KANK1: variants seen among roughly 807,000 people sequenced by gnomAD.
KANK1 encodes KN motif and ankyrin repeat domains 1.
In KANK1, 109 loss-of-function variants were observed where a neutral mutation model predicts 106.2. The observed-to-expected ratio is 1.03, with a 90% CI of 0.88 to 1.20. KANK1 has a LOEUF of 1.20. KANK1 is among the 50% of genes most tolerant of loss of function. The probability of loss-of-function intolerance (pLI) is 0.00; values close to 1 mark genes in which losing one functional copy is unlikely to be tolerated. For synonymous variants in KANK1, 873 were observed against 652.2 expected (o/e 1.34, Z -5.16); for missense variants, 2,399 against 1,710.7 (o/e 1.40, Z -7.10).
intron 8 of KANK1, among the ~76,000 whole-genome samples, chr9:740,075 A>G (rs1000738812): frequency 6.6e-6 from 1 of 152,190 alleles, no homozygotes; most frequent in Non-Finnish European, 1.5e-5. Flanking sequence ...GGTCCCACAT[A>G]AAAGCTGCTT....
At chr9:517,386 G>A (rs2059329775) in intron 1 of KANK1, among the ~76,000 whole-genome samples, 3 of 151,816 alleles carry the variant, frequency 2.0e-5, no homozygotes, top group Admixed American at 2.0e-4. Flanking sequence ...ACAGGCGTGA[G>A]CCACTGCGGC....
intron 1 of KANK1, among the ~76,000 whole-genome samples, chr9:621,859 G>T (rs1185028220): frequency 6.6e-6 from 1 of 152,148 alleles, no homozygotes; most frequent in Non-Finnish European, 1.5e-5. Context: ...CTCGCCGGTG[G>T]AAGGGGTACA....
At chr9:614,986 GCTGGAGTGCAGTGATGCAAT>G (rs1831463992) in intron 1 of KANK1, among the ~76,000 whole-genome samples, 1 of 151,764 alleles carries the variant, frequency 6.6e-6, no homozygotes, top group African/African-American at 2.4e-5. Flanking sequence ...AGGGTCTCAG[GCTGGAGTGCAGTGATGCAAT>G]CATGGCTCAC....
Position 746,035 on chromosome 9 carries a change from T to TATGTA in KANK1, c.*801_*805dup, listed in dbSNP as rs1430525139. 2.6e-5 allele frequency: 4 copies of TATGTA among 152,706 alleles called. No individual in the cohort carries two copies. The highest frequency in any genetic ancestry group is 9.6e-5 in the African/African-American group (4 of 41,478). 9.5% of individuals were successfully genotyped at this position (152,706 alleles called of 1,614,324 possible). The stretch of plus-strand genomic sequence containing the variant: ...CCGTGTCACATTTACTTTGGTCCTC[T>TATGTA]ATGTATTTAAATGTTTGAAGTGCCT... On this transcript the variant is annotated 3_prime_UTR_variant, in exon 12 of 12. Transcript: ENST00000382297.
chr9:642,925 TC>T (rs1313822771), intron 1 of KANK1, among the ~76,000 whole-genome samples: 1 of 150,554 alleles, frequency 6.6e-6, no homozygotes, highest in African/African-American at 2.5e-5. Context: ...TGCTTAGCGT[TC>T]TAAATTTTTT....
intron 1 of KANK1, among the ~76,000 whole-genome samples, chr9:543,786 G>T (rs1034445252): frequency 6.6e-6 from 1 of 152,074 alleles, no homozygotes; most frequent in Non-Finnish European, 1.5e-5. Context: ...GTAGTTGATT[G>T]TTGCAAGACT....
At chr9:744,665 G>A in intron 11 of KANK1, 76 bp downstream of exon 11, 1 of 1,612,440 alleles carries the variant, frequency 6.2e-7, no homozygotes, top group South Asian at 1.1e-5. Flanking sequence ...TCCAGGAATT[G>A]ACGGGAGACA....
At position 720,942 on chromosome 9, in the gene KANK1, C is replaced by A. The variant is rs890367779; in HGVS notation, c.2698+7478C>A. Among the ~76,000 whole-genome samples the A allele has an allele frequency of 4.3e-4, 65 of 152,220 alleles. 1 individual carries two copies. Among genetic ancestry groups the A allele is most frequent in the Admixed American group, 3.5e-3 (53 of 15,282 alleles). On this transcript the variant is annotated intron_variant, in intron 3 of 11. Coordinates refer to ENST00000382297, the MANE Select transcript of KANK1 (RefSeq NM_015158.5). ...ATGGATCCAAGTTGATGGGTTGAAA[C>A]TAGAGGGGAGTCTAAATTCTTAATT...
chr9:474,664 C>T (rs1179318069), intron 3 of KANK1, among the ~76,000 whole-genome samples: 1 of 152,190 alleles, frequency 6.6e-6, no homozygotes, highest in Non-Finnish European at 1.5e-5. Context: ...ACTTCATCAT[C>T]CTCTCACTAC....
At chr9:518,782 G>A (rs2059414572) in intron 1 of KANK1, among the ~76,000 whole-genome samples, 1 of 151,608 alleles carries the variant, frequency 6.6e-6, no homozygotes, top group Non-Finnish European at 1.5e-5. Context: ...CAAGAGAGGT[G>A]GAACTCTGGC....
intron 1 of KANK1, among the ~76,000 whole-genome samples, chr9:531,375 G>A (rs1436826485): frequency 6.6e-6 from 1 of 152,102 alleles, no homozygotes; most frequent in Admixed American, 6.5e-5. Flanking sequence ...AGGCTGCAGT[G>A]AGCTGTAATT....
chr9:673,230 A>C lies in KANK1; in HGVS notation c.-83-3660A>C, dbSNP rs568766323. 8.3e-5 allele frequency among the ~76,000 whole-genome samples: 9 copies of C among 108,844 alleles called. No individual in the cohort carries two copies. The East Asian group carries it at 2.6e-3, about 31-fold the overall frequency. The allele number at this position is 108,844 out of a possible 152,430, so 71.4% of individuals were successfully genotyped here. ...TTTTTTTTTTTTTTTTTTTTTTGAGACAGGGTCTCTCACTCTGCTGTGCAG... is the reference window on the plus strand; with the variant it reads ...TTTTTTTTTTTTTTTTTTTTTTGAGCCAGGGTCTCTCACTCTGCTGTGCAG... On this transcript the variant is annotated intron_variant, in intron 1 of 11. Coordinates refer to ENST00000382297, the MANE Select transcript of KANK1 (RefSeq NM_015158.5).
chr9:605,298 C>CT (rs1828814541), intron 1 of KANK1, among the ~76,000 whole-genome samples: 2 of 70,808 alleles, frequency 2.8e-5, no homozygotes, highest in African/African-American at 1.1e-4. Context: ...GAGACTCCGT[C>CT]TCAAAAAAAA....
intron 1 of KANK1, among the ~76,000 whole-genome samples, chr9:588,666 T>G (rs1359630960): frequency 2.0e-5 from 3 of 152,226 alleles, no homozygotes; most frequent in Non-Finnish European, 4.4e-5. Flanking sequence ...AATGCTGTAG[T>G]AGTCATGATC....
At chr9:573,409 A>C (rs1027371515) in intron 1 of KANK1, among the ~76,000 whole-genome samples, 1 of 152,064 alleles carries the variant, frequency 6.6e-6, no homozygotes, top group Non-Finnish European at 1.5e-5. Context: ...AGCTGGGACT[A>C]CAGGTGCCCG....
At chr9:594,954 T>C (rs1463716848) in intron 1 of KANK1, among the ~76,000 whole-genome samples, 4 of 151,796 alleles carry the variant, frequency 2.6e-5, no homozygotes, top group Non-Finnish European at 5.9e-5. Context: ...GTAGATACTT[T>C]GTCATCTTTT....
intron 1 of KANK1, among the ~76,000 whole-genome samples, chr9:608,028 A>ATTTTTTTTTT (rs1326986665): frequency 1.7e-4 from 14 of 84,370 alleles, no homozygotes; most frequent in African/African-American, 6.5e-4. Context: ...TATTATTATT[A>ATTTTTTTTTT]TTATTATTTT....
At chr9:716,613 A>T (rs1827771107) in intron 3 of KANK1, among the ~76,000 whole-genome samples, 1 of 152,180 alleles carries the variant, frequency 6.6e-6, no homozygotes, top group Non-Finnish European at 1.5e-5. Flanking sequence ...ATTAGCGGCC[A>T]ATCCATAGAA....
chr9:547,241 A>AG (rs1226841470), intron 1 of KANK1: 1 of 152,210 alleles, frequency 6.6e-6, no homozygotes, highest in Non-Finnish European at 1.5e-5. Context: ...CTCTAACGTC[A>AG]GGCTGGCAGT....
Sources: allele counts gnomAD v4.1 joint callset (sites outside exome capture counted in the v4.1 genomes callset), GRCh38; gene constraint gnomAD v4.1.1; transcripts MANE v1.5; gene names NCBI Gene and HGNC (gene_info 2026-07-23, HGNC 2026-07-21).